Variants in SHOC2 observed in about 807,000 individuals in gnomAD.
The protein encoded by SHOC2 is SHOC2 leucine rich repeat scaffold protein.
Under a neutral mutation model 50.2 loss-of-function variants are expected in SHOC2, and 4 were observed. The ratio of observed to expected loss-of-function variants is 0.08; its 90% CI spans 0.04 to 0.18. SHOC2 has a LOEUF of 0.18. SHOC2 is among the 10% of genes least tolerant of loss of function. The probability of loss-of-function intolerance (pLI) is 1.00; values close to 1 mark genes in which losing one functional copy is unlikely to be tolerated. For missense variants in SHOC2, 388 were observed against 669.6 expected, an observed-to-expected ratio of 0.58 and a Z score of 4.64; for synonymous variants, 218 against 244.5, an observed-to-expected ratio of 0.89 and a Z score of 1.01.
At chr10:110,932,194 A>G (rs1364703658) in intron 1 of SHOC2, among the ~76,000 whole-genome samples, 1 of 152,204 alleles carries the variant, frequency 6.6e-6, no homozygotes, top group Non-Finnish European at 1.5e-5. Flanking sequence ...AAAGAAGTTC[A>G]TGTGACCATA....
At chr10:110,990,079 A>G (rs1564724086) in intron 3 of SHOC2, among the ~76,000 whole-genome samples, 1 of 152,274 alleles carries the variant, frequency 6.6e-6, no homozygotes, top group Non-Finnish European at 1.5e-5. Context: ...GCACTTTCAA[A>G]AAATGACTTT....
At chr10:110,981,843 C>CTTATTTATTTCT (rs1847982153) in intron 2 of SHOC2, among the ~76,000 whole-genome samples, 1 of 125,858 alleles carries the variant, frequency 7.9e-6, no homozygotes, top group Non-Finnish European at 1.6e-5. Flanking sequence ...ATTCAGTTTT[C>CTTATTTATTTCT]TTATTTATTT....
intron 1 of SHOC2, among the ~76,000 whole-genome samples, chr10:110,950,376 A>T (rs1847328086): frequency 6.6e-6 from 1 of 152,214 alleles, no homozygotes; most frequent in Non-Finnish European, 1.5e-5. Flanking sequence ...GAAATTGAAG[A>T]AGACACATAA....
At chr10:111,003,346 TTC>T in intron 4 of SHOC2, among the ~76,000 whole-genome samples, 1 of 152,310 alleles carries the variant, frequency 6.6e-6, no homozygotes, top group East Asian at 1.9e-4. Context: ...TTTCTTCTAT[TTC>T]TCTGAGTATT....
At chr10:110,998,408 C>T (rs1270052383) in intron 3 of SHOC2, among the ~76,000 whole-genome samples, 6 of 151,998 alleles carry the variant, frequency 3.9e-5, no homozygotes, top group Non-Finnish European at 8.8e-5. Context: ...GGAATTGACA[C>T]GTCTCACCAG....
At chr10:110,990,608 C>G (rs978138450) in intron 3 of SHOC2, among the ~76,000 whole-genome samples, 2 of 152,206 alleles carry the variant, frequency 1.3e-5, no homozygotes, top group Admixed American at 1.3e-4. Context: ...CTCGGCTCTA[C>G]CAATCAGCAG....
At chr10:110,942,669 C>T (rs893265381) in intron 1 of SHOC2, among the ~76,000 whole-genome samples, 1 of 152,208 alleles carries the variant, frequency 6.6e-6, no homozygotes, top group Non-Finnish European at 1.5e-5. Flanking sequence ...TTGGTCTACT[C>T]GGACTCTTTC....
rs542276820 is a variant in SHOC2, at chr10:110,936,900, A to G, written c.-235+17243A>G. The G allele has an allele frequency of 6.1e-5, 85 of 1,382,850 alleles. No individual in the cohort carries two copies. In the East Asian group the frequency reaches 1.8e-3, roughly 29 times the overall value. The allele number at this position is 1,382,850 out of a possible 1,614,324, so 85.7% of individuals were successfully genotyped here. On this transcript the variant is annotated intron_variant, in intron 1 of 8. Transcript: ENST00000369452. Reference sequence around the variant, plus strand: ...ACCACCATCCGCTTTTTCTTGTCGTAAGGCGGTGGGATGCAGTCAAACACC... The same window carrying G: ...ACCACCATCCGCTTTTTCTTGTCGTGAGGCGGTGGGATGCAGTCAAACACC...
chr10:110,963,413 A>G (rs796434699), intron 1 of SHOC2, among the ~76,000 whole-genome samples: 17 of 152,304 alleles, frequency 1.1e-4, no homozygotes, highest in African/African-American at 3.8e-4. Flanking sequence ...TACCTCCATC[A>G]GAATCATGTA....
At chr10:110,952,037 C>T (rs1847363561) in intron 1 of SHOC2, among the ~76,000 whole-genome samples, 1 of 152,150 alleles carries the variant, frequency 6.6e-6, no homozygotes, top group Admixed American at 6.5e-5. Flanking sequence ...CTTAAGAGGT[C>T]ATCTGTAGAT....
intron 1 of SHOC2, among the ~76,000 whole-genome samples, chr10:110,960,869 G>A (rs573811859): frequency 3.9e-5 from 6 of 152,140 alleles, no homozygotes; most frequent in African/African-American, 7.2e-5. Context: ...TAGAGATGGC[G>A]TTTCACCATG....
chr10:111,010,841 G>C, intron 8 of SHOC2, among the ~76,000 whole-genome samples: 1 of 152,266 alleles, frequency 6.6e-6, no homozygotes, highest in Non-Finnish European at 1.5e-5. Flanking sequence ...TTGTTCTGAA[G>C]CTTAAATAAT....
chr10:110,946,512 T>C (rs1376281899), intron 1 of SHOC2, among the ~76,000 whole-genome samples: 2 of 151,482 alleles, frequency 1.3e-5, no homozygotes, highest in Non-Finnish European at 2.9e-5. Context: ...GTAAATGTTG[T>C]GAAGAAAAAT....
chr10:111,011,618 G>A lies in SHOC2; in HGVS notation c.1549G>A (p.Glu517Lys). The change falls in exon 9 of 9, where the codon GAG (glutamate) becomes AAG (lysine). Residue 517 changes from glutamate (E) to lysine (K), a missense_variant. Transcript: ENST00000369452. ...ATTTTTTTTTTAAACAGGTACACTG[G>A]AGAACCTAGAAGAACTGTATTTGAA... is the stretch of plus-strand genomic sequence containing the variant. ...THLPEEIGTL[E>K]NLEELYLNDN... 6.2e-7 allele frequency: 1 copy of A among 1,612,824 alleles called. No individual in the cohort carries two copies. Among genetic ancestry groups the A allele is most frequent in the Non-Finnish European group, 8.5e-7 (1 of 1,179,110 alleles).
intron 6 of SHOC2, 105 bp from the exon 7 acceptor site, chr10:111,009,143 C>T: frequency 1.4e-6 from 1 of 735,586 alleles, no homozygotes; most frequent in Admixed American, 2.5e-5. Flanking sequence ...CCTTAATATT[C>T]ACTGTTTGGA....
chr10:110,981,878 AAG>A (rs1564721087), intron 2 of SHOC2, among the ~76,000 whole-genome samples: 10 of 54,154 alleles, frequency 1.8e-4, no homozygotes, highest in East Asian at 1.4e-3. Flanking sequence ...TTATTTTTTT[AAG>A]TTTTAGGGTA....
At chr10:110,967,448 G>T (rs2134125075) in intron 2 of SHOC2, among the ~76,000 whole-genome samples, 1 of 152,216 alleles carries the variant, frequency 6.6e-6, no homozygotes, top group African/African-American at 2.4e-5. Flanking sequence ...TTGCGGGGGA[G>T]GATTGGGTTT....
intron 1 of SHOC2, among the ~76,000 whole-genome samples, chr10:110,951,253 T>C (rs1195164321): frequency 6.6e-6 from 1 of 152,170 alleles, no homozygotes; most frequent in Non-Finnish European, 1.5e-5. Flanking sequence ...CAACATACAG[T>C]GTACATCAGG....
intron 2 of SHOC2, among the ~76,000 whole-genome samples, chr10:110,975,802 T>C (rs1260145136): frequency 6.6e-6 from 1 of 152,182 alleles, no homozygotes; most frequent in Non-Finnish European, 1.5e-5. Context: ...AAAGTTAATA[T>C]TTTTTTCTTT....
Sources: gnomAD v4.1 joint callset for allele counts (sites outside exome capture counted in the v4.1 genomes callset) on GRCh38, gnomAD v4.1.1 for gene constraint, MANE v1.5 for transcripts, NCBI Gene and HGNC (gene_info 2026-07-23, HGNC 2026-07-21) for gene names.